The following CSMD3 variants were observed in gnomAD, a reference collection of about 807,000 sequenced individuals.
The protein encoded by CSMD3 is CUB and sushi domain-containing protein 3.
CSMD3 carries 177 observed loss-of-function variants against 435.2 expected under a neutral mutation model. That is an observed-to-expected ratio of 0.41 (90% CI 0.36 to 0.46). The LOEUF (loss-of-function observed/expected upper bound fraction) is 0.46. Among genes scored for constraint, CSMD3 ranks in the 20% least tolerant of loss-of-function variants. The probability of loss-of-function intolerance (pLI) is 0.34; values close to 1 mark genes in which losing one functional copy is unlikely to be tolerated. For synonymous variants in CSMD3, 1,656 were observed against 1,520.5 expected (o/e 1.09, Z -2.07); for missense variants, 4,265 against 4,504.6 (o/e 0.95, Z 1.52).
chr8:112,479,369 A>G (rs1819401973), intron 31 of CSMD3, among the ~76,000 whole-genome samples: 1 of 152,254 alleles, frequency 6.6e-6, no homozygotes, highest in African/African-American at 2.4e-5. Context: ...CAGGAGTGGG[A>G]TACAAGCAGG....
At chr8:113,216,724 G>A (rs1477780694) in intron 3 of CSMD3, among the ~76,000 whole-genome samples, 1 of 151,908 alleles carries the variant, frequency 6.6e-6, no homozygotes, top group African/African-American at 2.4e-5. Context: ...TTGGCATATG[G>A]AGATGGTGCC....
chr8:112,836,207 A>G (rs989904628), intron 11 of CSMD3, among the ~76,000 whole-genome samples: 1 of 151,882 alleles, frequency 6.6e-6, no homozygotes, highest in Non-Finnish European at 1.5e-5. Context: ...AGTATGTTTT[A>G]CATAGGTATT....
chr8:112,973,561 A>T (rs1204528782), intron 7 of CSMD3, among the ~76,000 whole-genome samples: 1 of 151,966 alleles, frequency 6.6e-6, no homozygotes, highest in African/African-American at 2.4e-5. Context: ...AGCCAAAATT[A>T]TTATTTTAAA....
rs567869390 is a variant in CSMD3 at position 112,552,560 on chromosome 8, C to G, written c.4361+34G>C. The G allele has an allele frequency of 3.1e-6, 5 of 1,601,556 alleles. No individual in the cohort carries two copies. The Admixed American group carries it at 6.7e-5, about 22-fold the overall frequency. On this transcript the variant is annotated intron_variant, in intron 26 of 70. Transcript: ENST00000297405. ...AGGGGTTGGTTAGGCACTTCAGATT[C>G]CCTAGTAATGTTGAGAAAATGAAAT...
At chr8:112,874,651 T>C (rs1044003392) in intron 10 of CSMD3, among the ~76,000 whole-genome samples, 7 of 152,210 alleles carry the variant, frequency 4.6e-5, no homozygotes. Flanking sequence ...TTTACCATTA[T>C]GTAATGTCCT....
chr8:112,518,267 A>C (rs1823888240), intron 27 of CSMD3, among the ~76,000 whole-genome samples: 2 of 151,884 alleles, frequency 1.3e-5, no homozygotes, highest in Admixed American at 6.6e-5. Flanking sequence ...TTGGGACATC[A>C]AGGCAAGAGG....
rs137857913 is a variant in CSMD3 at position 112,488,611 on chromosome 8, G to A, written c.5278+3878C>T. On this transcript the variant is annotated intron_variant, in intron 31 of 70. Coordinates refer to ENST00000297405, the MANE Select transcript of CSMD3 (RefSeq NM_198123.2). ...AGATTTTAGTCAGGATACCTACTGTGGGATGGGACCTCGGCTGAAAAGCAG... is the reference window on the plus strand; with the variant it reads ...AGATTTTAGTCAGGATACCTACTGTAGGATGGGACCTCGGCTGAAAAGCAG... Among the ~76,000 whole-genome samples, 11 of 152,268 alleles carry A rather than the reference G, an allele frequency of 7.2e-5. No homozygotes were observed. In the East Asian group the frequency reaches 2.1e-3, roughly 29 times the overall value.
intron 32 of CSMD3, among the ~76,000 whole-genome samples, chr8:112,463,765 A>G (rs725369): frequency 0.017 from 2,647 of 152,136 alleles, 79 homozygotes; most frequent in African/African-American, 0.06. Flanking sequence ...CTGTGTGGCT[A>G]TTGGTTGTGT....
intron 35 of CSMD3, among the ~76,000 whole-genome samples, chr8:112,396,381 G>C (rs1446923731): frequency 1.3e-5 from 2 of 152,110 alleles, no homozygotes; most frequent in African/African-American, 4.8e-5. Context: ...AAGGGTAAAT[G>C]GAGAATTTGC....
intron 3 of CSMD3, among the ~76,000 whole-genome samples, chr8:113,185,732 C>T (rs2092489789): frequency 2.0e-5 from 3 of 149,336 alleles, no homozygotes; most frequent in Non-Finnish European, 4.4e-5. Context: ...TGTGTGTGTG[C>T]ATGCATGTGT....
At chr8:112,417,148 A>G (rs544641812) in intron 32 of CSMD3, among the ~76,000 whole-genome samples, 20 of 152,188 alleles carry the variant, frequency 1.3e-4, no homozygotes, top group Non-Finnish European at 2.2e-4. Flanking sequence ...ATAGCTGAGC[A>G]GATTTAGGAA....
intron 10 of CSMD3, among the ~76,000 whole-genome samples, chr8:112,881,329 C>T (rs114176377): frequency 0.011 from 1,620 of 151,966 alleles, 30 homozygotes; most frequent in African/African-American, 0.036. Context: ...GAATTAAAGG[C>T]TCATTAATAC....
intron 13 of CSMD3, among the ~76,000 whole-genome samples, chr8:112,798,629 G>T (rs1277492532): frequency 1.3e-5 from 2 of 151,876 alleles, no homozygotes; most frequent in African/African-American, 4.8e-5. Flanking sequence ...TGTACTTCCA[G>T]CTCTTGAACC....
In CSMD3 at chr8:113,128,028, C is replaced by T. The variant is rs569506447; in HGVS notation, c.710-29065G>A. ...ATTATCTTTTAGAGTTCAGTTTAAACATCACCCACTAAGAGAGGTATTTTC... is the reference window on the plus strand; with the variant it reads ...ATTATCTTTTAGAGTTCAGTTTAAATATCACCCACTAAGAGAGGTATTTTC... On this transcript the variant is annotated intron_variant, in intron 4 of 70. Transcript: ENST00000297405. 1.4e-4 allele frequency among the ~76,000 whole-genome samples: 22 copies of T among 152,208 alleles called. No individual in the cohort carries two copies. In the East Asian group the frequency reaches 4.3e-3, roughly 29 times the overall value.
At chr8:112,923,342 T>C (rs1363650738) in intron 9 of CSMD3, among the ~76,000 whole-genome samples, 1 of 152,144 alleles carries the variant, frequency 6.6e-6, no homozygotes, top group Non-Finnish European at 1.5e-5. Context: ...ACTAAAGAGA[T>C]TGCCCTTAAA....
intron 3 of CSMD3, among the ~76,000 whole-genome samples, chr8:113,244,137 T>A (rs1588354645): frequency 6.6e-6 from 1 of 152,324 alleles, no homozygotes; most frequent in East Asian, 1.9e-4. Context: ...GTATTCTTTG[T>A]AGCACAAATG....
chr8:112,224,630 A>C lies in CSMD3; in HGVS notation c.*141T>G. 1.2e-6 allele frequency: 1 copy of C among 835,870 alleles called. No homozygotes were observed. Among genetic ancestry groups the C allele is most frequent in the South Asian group, 1.4e-5 (1 of 72,622 alleles). The allele number at this position is 835,870 out of a possible 1,614,324, so 51.8% of individuals were successfully genotyped here. Reference sequence around the variant, plus strand: ...GAATTATGGTCCAGTTTATGAAAAAACACTCTTCTGTATCATTCCTCAGGA... The same window carrying C: ...GAATTATGGTCCAGTTTATGAAAAACCACTCTTCTGTATCATTCCTCAGGA... On this transcript the variant is annotated 3_prime_UTR_variant, in exon 71 of 71. Transcript: ENST00000297405.
chr8:112,465,943 G>A (rs1418787195), intron 32 of CSMD3, among the ~76,000 whole-genome samples: 1 of 148,758 alleles, frequency 6.7e-6, no homozygotes, highest in Non-Finnish European at 1.5e-5. Context: ...CCACTGCACT[G>A]CAGCCTGGGA....
chr8:113,125,333 T>C (rs2091095688), intron 4 of CSMD3, among the ~76,000 whole-genome samples: 1 of 152,020 alleles, frequency 6.6e-6, no homozygotes, highest in Non-Finnish European at 1.5e-5. Flanking sequence ...CACATATGTC[T>C]GTACACAATC....
Sources: gnomAD v4.1 joint callset for allele counts (sites outside exome capture counted in the v4.1 genomes callset) on GRCh38, gnomAD v4.1.1 for gene constraint, MANE v1.5 for transcripts, NCBI Gene and HGNC (gene_info 2026-07-23, HGNC 2026-07-21) for gene names.